The following LAMA2 variants were observed in gnomAD, a reference collection of about 807,000 sequenced individuals.
LAMA2 encodes the protein laminin subunit alpha 2.
Under a neutral mutation model 364.8 loss-of-function variants are expected in LAMA2, and 269 were observed. The observed-to-expected ratio is 0.74, with a 90% confidence interval of 0.67 to 0.82. LAMA2 has a LOEUF of 0.82. Among genes scored for constraint, LAMA2 ranks in the 40% least tolerant of loss-of-function variants. The probability of loss-of-function intolerance (pLI) is 0.00; values close to 1 mark genes in which losing one functional copy is unlikely to be tolerated. For synonymous variants in LAMA2, 1,379 were observed against 1,370.6 expected, an observed-to-expected ratio of 1.01 and a Z score of -0.14; for missense variants, 3,807 against 3,873.2, an observed-to-expected ratio of 0.98 and a Z score of 0.45.
Position 129,007,352 on chromosome 6 carries a change from G to A in LAMA2, c.113-42566G>A, listed in dbSNP as rs1017777407. 2.0e-5 allele frequency among the ~76,000 whole-genome samples: 3 copies of A among 152,142 alleles called. No individual in the cohort carries two copies. In the South Asian group the frequency reaches 6.2e-4, roughly 32 times the overall value. ...AAAACAGGGACTCTGTCTGTCATCTGTGTGTTTCCTGAGCACCACATAGTG... is the reference window on the plus strand; with the variant it reads ...AAAACAGGGACTCTGTCTGTCATCTATGTGTTTCCTGAGCACCACATAGTG... On this transcript the variant is annotated intron_variant, in intron 1 of 64. Transcript: ENST00000421865.
At chr6:129,062,433 T>G (rs192591298) in intron 3 of LAMA2, among the ~76,000 whole-genome samples, 405 of 152,196 alleles carry the variant, frequency 2.7e-3, no homozygotes, top group Admixed American at 5.0e-3. Flanking sequence ...AGGATAATTT[T>G]TATTATATAT....
At chr6:129,123,360 A>ATG (rs1210451097) in intron 4 of LAMA2, among the ~76,000 whole-genome samples, 4 of 151,186 alleles carry the variant, frequency 2.6e-5, no homozygotes, top group Non-Finnish European at 2.9e-5. Flanking sequence ...ACATATATAT[A>ATG]TGTGTGTGAG....
chr6:129,288,001 T>C lies in LAMA2; in HGVS notation c.2692T>C (p.Cys898Arg), dbSNP rs1789398089. Residue 898 changes from cysteine (C) to arginine (R), a missense_variant, in exon 19 of 65, where the codon TGT (cysteine) becomes CGT (arginine). Physicochemically the swap from Cys to Arg is radical, Grantham distance 180 (BLOSUM62 -3). Around this residue, in one of 3 missense-constraint regions of LAMA2, gnomAD observed 3,333 missense variants for 3,345.7 expected, o/e 1.00. Transcript: ENST00000421865. Reference protein sequence around the residue: ...ICKPGTTGRYCELCADGYFGD... With the variant: ...ICKPGTTGRYRELCADGYFGD... ...TAAACCAGGTACAACAGGCCGGTAC[T>C]GTGAGCTCTGTGCTGATGGATATTT... 6.2e-7 allele frequency: 1 copy of C among 1,614,124 alleles called. No individual in the cohort carries two copies. Among genetic ancestry groups the C allele is most frequent in the South Asian group, 1.1e-5 (1 of 91,086 alleles).
chr6:129,167,998 T>G (rs1416249948), intron 9 of LAMA2, among the ~76,000 whole-genome samples: 4 of 151,166 alleles, frequency 2.6e-5, no homozygotes, highest in Admixed American at 2.6e-4. Context: ...TTCGCCCACT[T>G]GTTGATGGGG....
At chr6:129,479,132 A>G (rs1297689126) in intron 54 of LAMA2, among the ~76,000 whole-genome samples, 2 of 151,970 alleles carry the variant, frequency 1.3e-5, no homozygotes, top group African/African-American at 4.8e-5. Flanking sequence ...CATCCATTTT[A>G]AATTTATTTT....
intron 1 of LAMA2, among the ~76,000 whole-genome samples, chr6:128,883,885 C>G (rs1187935712): frequency 6.6e-6 from 1 of 151,066 alleles, no homozygotes; most frequent in Non-Finnish European, 1.5e-5. Context: ...ACTTTTAAAA[C>G]AGGATTTCTA....
intron 27 of LAMA2, among the ~76,000 whole-genome samples, chr6:129,317,486 A>C (rs1332042733): frequency 2.0e-5 from 3 of 152,140 alleles, no homozygotes; most frequent in African/African-American, 4.8e-5. Context: ...ATTGATGTAG[A>C]GACTTTTAGT....
intron 17 of LAMA2, among the ~76,000 whole-genome samples, chr6:129,278,053 T>A (rs1164502254): frequency 6.6e-6 from 1 of 151,836 alleles, no homozygotes; most frequent in Non-Finnish European, 1.5e-5. Context: ...AATACAAAAA[T>A]GGGCCAGGCC....
At position 129,123,504 on chromosome 6, in the gene LAMA2, AAAT is replaced by A. The variant is rs776245005; in HGVS notation, c.640-20394_640-20392del. Among the ~76,000 whole-genome samples the A allele has an allele frequency of 3.8e-4, 58 of 152,276 alleles. 1 individual carries two copies. The highest frequency in any genetic ancestry group is 7.4e-4 in the Non-Finnish European group (50 of 68,016). On this transcript the variant is annotated intron_variant, in intron 4 of 64. Transcript: ENST00000421865. ...CCTAAATATCTGTTGACAGATGAAT[AAAT>A]AAGGAAAATGTGGTATATACATACA...
intron 20 of LAMA2, among the ~76,000 whole-genome samples, chr6:129,296,651 G>A (rs561405208): frequency 1.3e-5 from 2 of 151,804 alleles, no homozygotes; most frequent in African/African-American, 2.4e-5. Flanking sequence ...GGTGGCTCAC[G>A]TTAAGTGGCA....
At chr6:129,110,455 C>A (rs886817571) in intron 4 of LAMA2, among the ~76,000 whole-genome samples, 1 of 151,868 alleles carries the variant, frequency 6.6e-6, no homozygotes, top group Non-Finnish European at 1.5e-5. Flanking sequence ...AGAATTTAAG[C>A]CTTTCAGTTA....
At chr6:129,514,140 C>G (rs1196580201) in intron 63 of LAMA2, among the ~76,000 whole-genome samples, 1 of 152,148 alleles carries the variant, frequency 6.6e-6, no homozygotes, top group Admixed American at 6.5e-5. Flanking sequence ...CGTATCTTGC[C>G]TATTAACTCC....
chr6:129,441,482 A>G (rs60889496), intron 43 of LAMA2, among the ~76,000 whole-genome samples: 3,909 of 152,252 alleles, frequency 0.026, 169 homozygotes, highest in African/African-American at 0.089. Context: ...TTCCAGTTAC[A>G]TCACATTTCT....
Position 129,287,971 on chromosome 6 carries a change from A to T in LAMA2, c.2662A>T (p.Ile888Leu). Reference protein sequence around the residue: ...SCDSLSGSCLICKPGTTGRYC... With the variant: ...SCDSLSGSCLLCKPGTTGRYC... ...TGACAGCTTGTCTGGCTCCTGTCTG[A>T]TATGTAAACCAGGTACAACAGGCCG... The change falls in exon 19 of 65, where the codon ATA (isoleucine) becomes TTA (leucine). Residue 888 changes from isoleucine to leucine, a missense_variant. Around this residue, in one of 3 missense-constraint regions of LAMA2, gnomAD observed 3,333 missense variants for 3,345.7 expected, o/e 1.00. Coordinates refer to ENST00000421865, the MANE Select transcript of LAMA2 (RefSeq NM_000426.4). 4 of 1,614,094 alleles carry T rather than the reference A, an allele frequency of 2.5e-6. No homozygotes were observed. Among genetic ancestry groups the T allele is most frequent in the Non-Finnish European group, 3.4e-6 (4 of 1,179,968 alleles).
At chr6:128,929,314 C>T in intron 1 of LAMA2, 1 of 1,217,562 alleles carries the variant, frequency 8.2e-7, no homozygotes, top group Non-Finnish European at 1.2e-6. Context: ...ACAGCTCACT[C>T]TCACAGAGCC....
chr6:129,477,462 T>TATG, intron 53 of LAMA2, among the ~76,000 whole-genome samples: 1 of 152,180 alleles, frequency 6.6e-6, no homozygotes, highest in Non-Finnish European at 1.5e-5. Flanking sequence ...GCAATTTGAT[T>TATG]ATGTAGGTAC....
At chr6:129,210,305 A>G (rs986124930) in intron 12 of LAMA2, among the ~76,000 whole-genome samples, 4 of 152,274 alleles carry the variant, frequency 2.6e-5, no homozygotes, top group Admixed American at 1.3e-4. Context: ...ATCCTGTACA[A>G]GGGAACCCTA....
chr6:128,911,733 A>G (rs942696964), intron 1 of LAMA2, among the ~76,000 whole-genome samples: 4 of 152,200 alleles, frequency 2.6e-5, no homozygotes, highest in Non-Finnish European at 4.4e-5. Flanking sequence ...TGACAAATAT[A>G]TATATACCCA....
intron 55 of LAMA2, among the ~76,000 whole-genome samples, chr6:129,484,370 C>A (rs937854071): frequency 2.0e-4 from 30 of 152,198 alleles, no homozygotes; most frequent in African/African-American, 7.2e-4. Context: ...TTGGCACTAT[C>A]TCCTGAAGTT....
Sources: allele counts gnomAD v4.1 joint callset (sites outside exome capture counted in the v4.1 genomes callset), GRCh38; gene constraint gnomAD v4.1.1; regional missense constraint gnomAD v4.1.1; transcripts MANE v1.5; gene names NCBI Gene and HGNC (gene_info 2026-07-23, HGNC 2026-07-21).